Variants in CNTLN observed in about 807,000 individuals in gnomAD.
The protein encoded by CNTLN is centlein, centrosomal protein.
In CNTLN, 212 loss-of-function variants were observed where a neutral mutation model predicts 180.0. That is an observed-to-expected ratio of 1.18 (90% CI 1.05 to 1.32). The LOEUF is 1.32. Ranked by LOEUF, CNTLN falls within the 40% of genes most tolerant of loss-of-function variation. The probability of loss-of-function intolerance (pLI) is 0.00; values close to 1 mark genes in which losing one functional copy is unlikely to be tolerated. For synonymous variants in CNTLN, 722 were observed against 563.1 expected, an observed-to-expected ratio of 1.28 and a Z score of -3.99; for missense variants, 2,095 against 1,610.9, an observed-to-expected ratio of 1.30 and a Z score of -5.14.
the CNTLN span, among the ~76,000 whole-genome samples, chr9:17,522,029 A>T: frequency 4.0e-5 from 4 of 100,604 alleles, no homozygotes; most frequent in Non-Finnish European, 1.0e-4. Flanking sequence ...AGGCATTAGC[A>T]ACTACTGTTT....
intron 7 of CNTLN, among the ~76,000 whole-genome samples, chr9:17,302,446 G>A (rs1228499600): frequency 3.3e-5 from 5 of 152,060 alleles, no homozygotes; most frequent in East Asian, 1.9e-4. Flanking sequence ...TGATCCATCC[G>A]CTTCAGCCTC....
chr9:17,347,361 T>G (rs1367205918), intron 12 of CNTLN, among the ~76,000 whole-genome samples: 1 of 152,136 alleles, frequency 6.6e-6, no homozygotes, highest in East Asian at 1.9e-4. Context: ...CATCATAAGT[T>G]GAAAATATCG....
intron 2 of CNTLN, among the ~76,000 whole-genome samples, chr9:17,215,825 C>T (rs949524094): frequency 3.3e-5 from 5 of 152,148 alleles, no homozygotes; most frequent in Non-Finnish European, 5.9e-5. Flanking sequence ...ATGAGCGAGG[C>T]TCCGTGGGTG....
intron 2 of CNTLN, among the ~76,000 whole-genome samples, chr9:17,208,759 A>C (rs1823091866): frequency 6.6e-6 from 1 of 152,130 alleles, no homozygotes; most frequent in Non-Finnish European, 1.5e-5. Flanking sequence ...ATAGTTGCTC[A>C]TAGTAGCTGC....
At chr9:17,351,582 T>C (rs10963058) in intron 12 of CNTLN, among the ~76,000 whole-genome samples, 7,091 of 152,254 alleles carry the variant, frequency 0.047, 219 homozygotes, top group South Asian at 0.15. Context: ...CCTCCCCTCA[T>C]TGAAGTCCAT....
At chr9:17,421,861 C>A (rs565905228) in intron 18 of CNTLN, among the ~76,000 whole-genome samples, 1 of 152,102 alleles carries the variant, frequency 6.6e-6, no homozygotes, top group African/African-American at 2.4e-5. Context: ...CTAATATACA[C>A]TCTCCATTTT....
At chr9:17,392,965 A>G (rs1249063726) in intron 14 of CNTLN, among the ~76,000 whole-genome samples, 1 of 152,216 alleles carries the variant, frequency 6.6e-6, no homozygotes, top group East Asian at 1.9e-4. Flanking sequence ...ATTATTTTGA[A>G]TCATTGGTTG....
At chr9:17,204,715 C>G (rs1434453139) in intron 2 of CNTLN, among the ~76,000 whole-genome samples, 1 of 152,168 alleles carries the variant, frequency 6.6e-6, no homozygotes, top group East Asian at 1.9e-4. Context: ...GGGAGAATCA[C>G]TATTGTCAGG....
intron 25 of CNTLN, among the ~76,000 whole-genome samples, chr9:17,492,283 T>G (rs1188865925): frequency 6.6e-6 from 1 of 152,020 alleles, no homozygotes; most frequent in Non-Finnish European, 1.5e-5. Context: ...CTTTCTTTCT[T>G]TCTTATTTTA....
intron 6 of CNTLN, among the ~76,000 whole-genome samples, chr9:17,277,229 G>T (rs1452099863): frequency 5.2e-5 from 4 of 76,278 alleles, no homozygotes. Flanking sequence ...AGTATATACA[G>T]TCATTCCTTG....
chr9:17,485,074 A>G (rs1031388980), intron 24 of CNTLN, among the ~76,000 whole-genome samples: 5 of 152,158 alleles, frequency 3.3e-5, no homozygotes, highest in African/African-American at 1.2e-4. Flanking sequence ...CATTTTTTAC[A>G]TAGCCACTGC....
chr9:17,353,946 G>A (rs1043036634), intron 12 of CNTLN, among the ~76,000 whole-genome samples: 1 of 152,182 alleles, frequency 6.6e-6, no homozygotes. Flanking sequence ...GGAGAGGCGT[G>A]AGCGGGAACC....
Position 17,229,878 on chromosome 9 carries a change from A to G in CNTLN, c.534+3591A>G, listed in dbSNP as rs79757143. 2.6e-3 allele frequency among the ~76,000 whole-genome samples: 398 copies of G among 152,296 alleles called. 4 individuals are homozygous for G. Among genetic ancestry groups the G allele is most frequent in the African/African-American group, 9.1e-3 (380 of 41,558 alleles). On this transcript the variant is annotated intron_variant, in intron 3 of 25. Coordinates refer to ENST00000380647, the MANE Select transcript of CNTLN (RefSeq NM_017738.4). The stretch of plus-strand genomic sequence containing the variant: ...GTTCGCTGTGGTATGAGTTAGAGGC[A>G]GAACTCTGGTATCCGTGCCTTTTAT...
chr9:17,385,632 T>C (rs959308582), intron 13 of CNTLN, among the ~76,000 whole-genome samples: 3 of 152,176 alleles, frequency 2.0e-5, no homozygotes, highest in African/African-American at 7.2e-5. Context: ...TCCACATCCC[T>C]GGATTCAACC....
chr9:17,380,212 T>C (rs1450989180), intron 13 of CNTLN, among the ~76,000 whole-genome samples: 1 of 152,156 alleles, frequency 6.6e-6, no homozygotes, highest in Admixed American at 6.5e-5. Flanking sequence ...CAAAAGTTTC[T>C]TGCCATGTGA....
intron 1 of CNTLN, among the ~76,000 whole-genome samples, chr9:17,136,946 C>T (rs1376308981): frequency 6.6e-6 from 1 of 152,180 alleles, no homozygotes; most frequent in Admixed American, 6.5e-5. Context: ...ATTTTCCGCA[C>T]TCTTTCCTCC....
chr9:17,484,292 C>G lies in CNTLN; in HGVS notation c.3856-3C>G, dbSNP rs925249786. 6.3e-7 allele frequency: 1 copy of G among 1,585,880 alleles called. No homozygotes were observed. ...AGCTCAATTTCTTTCCAATATGTTA[C>G]AGGCTTTGGCCAAAGAGTTGCAAAA... On this transcript the variant is annotated splice_region_variant and splice_polypyrimidine_tract_variant and intron_variant, in intron 23 of 25. Coordinates refer to ENST00000380647, the MANE Select transcript of CNTLN (RefSeq NM_017738.4).
chr9:17,461,061 G>A (rs2584541), intron 19 of CNTLN, among the ~76,000 whole-genome samples: 6,986 of 151,484 alleles, frequency 0.046, 191 homozygotes, highest in Middle Eastern at 0.11. Context: ...ACCATTTAGA[G>A]GAGCGATAAG....
chr9:17,296,184 G>T (rs1037558785), intron 6 of CNTLN, among the ~76,000 whole-genome samples: 1 of 151,884 alleles, frequency 6.6e-6, no homozygotes, highest in Non-Finnish European at 1.5e-5. Flanking sequence ...TGTAATTTTT[G>T]TAGAGACGGG....
Sources: gnomAD v4.1 joint callset for allele counts (sites outside exome capture counted in the v4.1 genomes callset) on GRCh38, gnomAD v4.1.1 for gene constraint, MANE v1.5 for transcripts, NCBI Gene and HGNC (gene_info 2026-07-23, HGNC 2026-07-21) for gene names.